RAB11FIP5: variants seen among roughly 807,000 people sequenced by gnomAD.
RAB11FIP5 encodes RAB11 family interacting protein 5.
In RAB11FIP5, 48 loss-of-function variants were observed where a neutral mutation model predicts 85.1. The observed-to-expected ratio is 0.56, with a 90% CI of 0.45 to 0.72. The LOEUF (loss-of-function observed/expected upper bound fraction) is 0.72, where lower values mean the gene tolerates loss of function less well. Among genes scored for constraint, RAB11FIP5 ranks in the 30% least tolerant of loss-of-function variants. RAB11FIP5 has a pLI of 0.00. For synonymous variants in RAB11FIP5, 729 were observed against 727.3 expected, an observed-to-expected ratio of 1.00 and a Z score of -0.04; for missense variants, 1,491 against 1,687.0, an observed-to-expected ratio of 0.88 and a Z score of 2.04.
At position 73,081,485 on chromosome 2, in the gene RAB11FIP5, C is replaced by T. The variant is rs993825994; in HGVS notation, c.1747G>A (p.Ala583Thr). Residue 583 changes from alanine (A) to threonine (T), a missense_variant, in exon 4 of 6, where the codon GCC becomes ACC. Physicochemically the swap from Ala to Thr is moderately conservative, Grantham distance 58. This residue lies in a region of RAB11FIP5 where 1,211 missense variants were observed against 1,338.0 expected (regional missense o/e 0.91). Transcript: ENST00000486777. This position sits in a 1 kb window ranked among gnomAD's most constrained non-coding sequence, Gnocchi z 4.2. ...CCAGGTGGGGTGGCTTCAGGGGCGGCGGTGGTGGCGGCAGCGGCAGCAGTG... is the reference window on the plus strand; with the variant it reads ...CCAGGTGGGGTGGCTTCAGGGGCGGTGGTGGTGGCGGCAGCGGCAGCAGTG... ...AATAAAAATT[A>T]APEATPPGLL... 3.1e-5 allele frequency: 38 copies of T among 1,234,308 alleles called. No homozygotes were observed. The highest frequency in any genetic ancestry group is 3.2e-5 in the Non-Finnish European group (32 of 989,648). 76.5% of individuals were successfully genotyped at this position (1,234,308 alleles called of 1,614,324 possible). A position where few individuals can be genotyped will look rare whatever the true frequency, so the allele number is the denominator to read the frequency against.
chr2:73,075,299 C>T lies in RAB11FIP5; in HGVS notation c.*222G>A, dbSNP rs1683829525. ...ATGAAAACAGGCAGGTGGGAAAGAC[C>T]CAGGGCTCCCAAAGACACACAAGTT... On this transcript the variant is annotated 3_prime_UTR_variant, in exon 6 of 6. Coordinates refer to ENST00000486777, the MANE Select transcript of RAB11FIP5 (RefSeq NM_001371272.1). The surrounding 1 kb of genome is among the most constrained non-coding windows in gnomAD (Gnocchi z 4.6). 1.4e-6 allele frequency: 1 copy of T among 704,950 alleles called. No homozygotes were observed. Among genetic ancestry groups the T allele is most frequent in the South Asian group, 1.5e-5 (1 of 66,838 alleles). The allele number at this position is 704,950 out of a possible 1,614,324, so 43.7% of individuals were successfully genotyped here.
Position 73,074,788 on chromosome 2 carries a change from G to C in RAB11FIP5, c.*733C>G. 5.3e-6 allele frequency: 1 copy of C among 190,380 alleles called. No individual in the cohort carries two copies. Among genetic ancestry groups the C allele is most frequent in the South Asian group, 1.1e-4 (1 of 9,242 alleles). The allele number at this position is 190,380 out of a possible 1,614,324, so 11.8% of individuals were successfully genotyped here. On this transcript the variant is annotated 3_prime_UTR_variant, in exon 6 of 6. Transcript: ENST00000486777. ...GGTCAAGAGCTCGAAAAGCAAAAAGGTGCTCTCTCCGCACCCGCCCCTGCG... is the reference window on the plus strand; with the variant it reads ...GGTCAAGAGCTCGAAAAGCAAAAAGCTGCTCTCTCCGCACCCGCCCCTGCG...
intron 1 of RAB11FIP5, among the ~76,000 whole-genome samples, chr2:73,091,679 T>A (rs1258821930): frequency 6.6e-6 from 1 of 152,200 alleles, no homozygotes; most frequent in East Asian, 1.9e-4. Context: ...ATTTTGATTA[T>A]TTTTTAATGT....
chr2:73,104,649 C>T (rs1368819827), intron 1 of RAB11FIP5, among the ~76,000 whole-genome samples: 2 of 152,160 alleles, frequency 1.3e-5, no homozygotes, highest in African/African-American at 4.8e-5. Flanking sequence ...ACACAGGGAA[C>T]TAAGCTTGGC....
rs757499419 is a variant in RAB11FIP5, at chr2:73,088,507, C to A, written c.1111G>T (p.Val371Phe). 10 of 1,613,920 alleles carry A rather than the reference C, an allele frequency of 6.2e-6. No homozygotes were observed. Among genetic ancestry groups the A allele is most frequent in the African/African-American group, 2.7e-5 (2 of 74,954 alleles). ...CCCTCCTCGGAGAACCGGGAAGAGA[C>A]AGCTTGCAAGGAGCCAGAGGATGGA... is the stretch of plus-strand genomic sequence containing the variant. ...SLPSSGSLQA[V>F]SSRFSEEGPR... Residue 371 changes from valine to phenylalanine, a missense_variant, in exon 3 of 6, where the codon GTC (valine) becomes TTC (phenylalanine). By Grantham distance (50) the Val-to-Phe change is conservative. Around this residue, in one of 3 missense-constraint regions of RAB11FIP5, gnomAD observed 1,211 missense variants for 1,338.0 expected, o/e 0.91. Transcript: ENST00000486777.
chr2:73,103,368 C>A (rs1684465774), intron 1 of RAB11FIP5, among the ~76,000 whole-genome samples: 1 of 152,142 alleles, frequency 6.6e-6, no homozygotes, highest in Non-Finnish European at 1.5e-5. Context: ...GGCACAAGCA[C>A]TTTTAATCCT....
intron 1 of RAB11FIP5, among the ~76,000 whole-genome samples, chr2:73,104,933 A>G (rs1229262621): frequency 6.6e-6 from 1 of 152,074 alleles, no homozygotes; most frequent in Admixed American, 6.5e-5. Context: ...TATCCACTTT[A>G]TTTCCCTGGT....
At chr2:73,112,257 G>A in intron 1 of RAB11FIP5, 90 bp downstream of exon 1, 1 of 1,342,118 alleles carries the variant, frequency 7.5e-7, no homozygotes, top group African/African-American at 1.5e-5. Context: ...AGGGCTCACT[G>A]GCCCGGCTGA....
In RAB11FIP5 at chr2:73,074,304, T is replaced by C. The variant is rs188933779; in HGVS notation, c.*1217A>G. 1 of 152,404 alleles carries C rather than the reference T, an allele frequency of 6.6e-6. No homozygotes were observed. The highest frequency in any genetic ancestry group is 1.9e-4 in the East Asian group (1 of 5,174). 9.4% of individuals were successfully genotyped at this position (152,404 alleles called of 1,614,324 possible). ...AGCTGACTGGTCTAGTATGGCTAAG[T>C]CCTGAGGCCAGACAATGAGAGTGAG... On this transcript the variant is annotated 3_prime_UTR_variant, in exon 6 of 6. Coordinates refer to ENST00000486777, the MANE Select transcript of RAB11FIP5 (RefSeq NM_001371272.1).
In RAB11FIP5 at chr2:73,086,838, G is replaced by A. The variant is rs1156597065; in HGVS notation, c.1568+1212C>T. On this transcript the variant is annotated intron_variant, in intron 3 of 5. Coordinates refer to ENST00000486777, the MANE Select transcript of RAB11FIP5 (RefSeq NM_001371272.1). The surrounding 1 kb of genome is among the most constrained non-coding windows in gnomAD (Gnocchi z 4.4). ...GCCATACCAAGCAAGGGAGGCAAGG[G>A]GTGGCATGCCCCTGAAACTGATCCA... 6.6e-6 allele frequency among the ~76,000 whole-genome samples: 1 copy of A among 152,096 alleles called. No homozygotes were observed. The highest frequency in any genetic ancestry group is 1.5e-5 in the Non-Finnish European group (1 of 68,022).
At position 73,088,912 on chromosome 2, in the gene RAB11FIP5, G is replaced by A. The variant is rs1293150974; in HGVS notation, c.835C>T (p.Pro279Ser). ...GPGAELLTRSPSRSSWLSTEG... is the reference protein window; with the variant it reads ...GPGAELLTRSSSRSSWLSTEG... ...GTGGACAGCCAGCTGCTACGGCTTG[G>A]TGAGCGGGTGAGGAGTTCGGCGCCA... Residue 279 changes from proline to serine, a missense_variant, in exon 2 of 6, where the codon CCA (proline) becomes TCA (serine). Transcript: ENST00000486777. The A allele has an allele frequency of 4.4e-6, 7 of 1,590,098 alleles. No individual in the cohort carries two copies. The highest frequency in any genetic ancestry group is 6.0e-6 in the Non-Finnish European group (7 of 1,167,880).
intron 1 of RAB11FIP5, among the ~76,000 whole-genome samples, chr2:73,094,657 CT>C (rs1275940708): frequency 6.6e-6 from 1 of 152,174 alleles, no homozygotes; most frequent in East Asian, 1.9e-4. Flanking sequence ...CTTTACATCA[CT>C]TTAAGGTCAG....
chr2:73,098,700 A>G (rs995135139), intron 1 of RAB11FIP5, among the ~76,000 whole-genome samples: 3 of 152,042 alleles, frequency 2.0e-5, no homozygotes, highest in African/African-American at 7.2e-5. Context: ...TGCCCAACCA[A>G]GGAATCCAGA....
At position 73,073,861 on chromosome 2, in the gene RAB11FIP5, G is replaced by C. The variant is rs1683795046; in HGVS notation, c.*1660C>G. 6.6e-6 allele frequency: 1 copy of C among 152,248 alleles called. No individual in the cohort carries two copies. The highest frequency in any genetic ancestry group is 1.5e-5 in the Non-Finnish European group (1 of 68,048). The allele number at this position is 152,248 out of a possible 1,614,324, so 9.4% of individuals were successfully genotyped here. ...GCTCCTCTGCTCCATCCTGGCAGCA[G>C]ACAGACATCACCCAGAGGGCACGTG... On this transcript the variant is annotated 3_prime_UTR_variant, in exon 6 of 6. Transcript: ENST00000486777.
Position 73,073,930 on chromosome 2 carries a change from G to A in RAB11FIP5, c.*1591C>T, listed in dbSNP as rs962428779. Reference sequence around the variant, plus strand: ...AAAGCAAGCCCACAGGCCCTCTCCTGAAGAAGTGGTGGTCCCAGAGGAGCT... The same window carrying A: ...AAAGCAAGCCCACAGGCCCTCTCCTAAAGAAGTGGTGGTCCCAGAGGAGCT... On this transcript the variant is annotated 3_prime_UTR_variant, in exon 6 of 6. Coordinates refer to ENST00000486777, the MANE Select transcript of RAB11FIP5 (RefSeq NM_001371272.1). The A allele has an allele frequency of 1.3e-5, 2 of 152,214 alleles. No individual in the cohort carries two copies. Among genetic ancestry groups the A allele is most frequent in the Admixed American group, 6.5e-5 (1 of 15,280 alleles). 9.4% of individuals were successfully genotyped at this position (152,214 alleles called of 1,614,324 possible).
rs570692208 is a variant in RAB11FIP5, at chr2:73,077,445, A to G, written c.3582-1263T>C. Among the ~76,000 whole-genome samples the G allele has an allele frequency of 9.9e-5, 15 of 152,254 alleles. 1 individual carries two copies. The highest frequency in any genetic ancestry group is 6.2e-4 in the South Asian group (3 of 4,826). ...GCCACTAAATCAGCTCCTCCATCTC[A>G]GTCTTGCCCACCTCCAACCATGCTG... On this transcript the variant is annotated intron_variant, in intron 4 of 5. Transcript: ENST00000486777.
At chr2:73,105,243 T>G (rs1306149231) in intron 1 of RAB11FIP5, among the ~76,000 whole-genome samples, 3 of 151,778 alleles carry the variant, frequency 2.0e-5, no homozygotes, top group Admixed American at 1.3e-4. Context: ...TCCACTCCTT[T>G]TTTTATTTTT....
At chr2:73,085,672 G>A (rs1034352767) in intron 3 of RAB11FIP5, among the ~76,000 whole-genome samples, 1 of 152,132 alleles carries the variant, frequency 6.6e-6, no homozygotes, top group East Asian at 1.9e-4. Context: ...CCACATCAGA[G>A]GAACAGCAGG....
At chr2:73,103,312 T>C (rs577150869) in intron 1 of RAB11FIP5, among the ~76,000 whole-genome samples, 2 of 152,188 alleles carry the variant, frequency 1.3e-5, no homozygotes, top group South Asian at 4.2e-4. Context: ...GACAGCTCAC[T>C]CATCCCTCCT....
Sources: allele counts gnomAD v4.1 joint callset (sites outside exome capture counted in the v4.1 genomes callset), GRCh38; gene constraint gnomAD v4.1.1; regional missense constraint gnomAD v4.1.1; non-coding constraint Gnocchi (gnomAD v3.1); transcripts MANE v1.5; gene names NCBI Gene and HGNC (gene_info 2026-07-23, HGNC 2026-07-21).